CENPU: variants seen among roughly 807,000 people sequenced by gnomAD.
CENPU encodes KSHV latent nuclear antigen interacting protein 1.
Under a neutral mutation model 56.7 loss-of-function variants are expected in CENPU, and 46 were observed. That is an observed-to-expected ratio of 0.81 (90% confidence interval 0.64 to 1.04). The LOEUF is 1.04. Ranked by LOEUF, CENPU falls within the 50% of genes least tolerant of loss-of-function variation. The pLI is 0.00. For missense variants in CENPU, 510 were observed against 490.1 expected (o/e 1.04, Z -0.38); for synonymous variants, 166 against 163.0 (o/e 1.02, Z -0.14).
At chr4:184,720,958 T>C (rs1277953794) in intron 4 of CENPU, among the ~76,000 whole-genome samples, 2 of 152,152 alleles carry the variant, frequency 1.3e-5, no homozygotes, top group Admixed American at 6.6e-5. Context: ...TCACTGGTAA[T>C]ATGAAGTACA....
At chr4:184,717,046 A>T in intron 5 of CENPU, 90 bp downstream of exon 5, 1 of 811,082 alleles carries the variant, frequency 1.2e-6, no homozygotes, top group Non-Finnish European at 2.0e-6. Context: ...TCTAAAGAGG[A>T]AATGAAATAT....
chr4:184,725,059 G>T lies in CENPU; in HGVS notation c.218C>A (p.Pro73His), dbSNP rs745365696. ...KDEETYETFDPPLHSTAIYAD... is the reference protein window; with the variant it reads ...KDEETYETFDHPLHSTAIYAD... ...ATATATAGCTGTGCTATGTAAAGGAGGATCTTTCAAAAGACAAAAAAGAAG... is the reference window on the plus strand; with the variant it reads ...ATATATAGCTGTGCTATGTAAAGGATGATCTTTCAAAAGACAAAAAAGAAG... The change falls in exon 4 of 13, where the codon CCT becomes CAT. Residue 73 changes from proline (P) to histidine (H), a missense_variant. By Grantham distance (77) the Pro-to-His change is moderately conservative (BLOSUM62 -2). Transcript: ENST00000281453. 3.1e-6 allele frequency: 5 copies of T among 1,596,238 alleles called. No individual in the cohort carries two copies. Among genetic ancestry groups the T allele is most frequent in the Non-Finnish European group, 4.3e-6 (5 of 1,171,178 alleles).
intron 4 of CENPU, 71 bp downstream of exon 4, chr4:184,724,886 C>T: frequency 1.0e-6 from 1 of 989,714 alleles, no homozygotes; most frequent in Non-Finnish European, 1.5e-6. Context: ...GTTTTATTAG[C>T]TTCTATCTTA....
chr4:184,728,720 G>A (rs1287627383), intron 3 of CENPU, among the ~76,000 whole-genome samples, 198 bp downstream of exon 3: 2 of 152,102 alleles, frequency 1.3e-5, no homozygotes, highest in African/African-American at 2.4e-5. Flanking sequence ...GACGAGTGCC[G>A]CTTTGATAAT....
chr4:184,695,529 A>C, intron 12 of CENPU, 128 bp from the exon 13 acceptor site: 2 of 598,736 alleles, frequency 3.3e-6, no homozygotes, highest in South Asian at 1.8e-5. Context: ...CTCATTTTTA[A>C]CTAGGACCAT....
At chr4:184,716,878 T>A (rs537198964) in intron 5 of CENPU, among the ~76,000 whole-genome samples, 2 of 152,306 alleles carry the variant, frequency 1.3e-5, no homozygotes, top group South Asian at 2.1e-4. Context: ...AGTACAAGAA[T>A]GCTATGAAAA....
chr4:184,699,039 C>A (rs1019502223), intron 11 of CENPU, among the ~76,000 whole-genome samples: 2 of 152,066 alleles, frequency 1.3e-5, no homozygotes, highest in Non-Finnish European at 2.9e-5. Flanking sequence ...CTTTAAAACA[C>A]GTCTCAGGCT....
rs201838633 is a variant in CENPU, at chr4:184,733,952, G to A, written c.47+64C>T. On this transcript the variant is annotated intron_variant, in intron 1 of 12. Transcript: ENST00000281453. ...ACAGCGCCGGGAGGCGCAAACCACG[G>A]CAGGCGAGGAAGCAGTTCAAGCTGG... 111 of 1,603,604 alleles carry A rather than the reference G, an allele frequency of 6.9e-5. No individual in the cohort carries two copies. The African/African-American group carries it at 1.2e-3, about 17-fold the overall frequency.
At chr4:184,721,207 G>A (rs1761262801) in intron 4 of CENPU, among the ~76,000 whole-genome samples, 1 of 151,860 alleles carries the variant, frequency 6.6e-6, no homozygotes, top group African/African-American at 2.4e-5. Context: ...TGGGTTATAT[G>A]GCAGTACCTG....
intron 6 of CENPU, among the ~76,000 whole-genome samples, chr4:184,714,181 A>G (rs140522474): frequency 0.01 from 1,586 of 152,284 alleles, 10 homozygotes; most frequent in Non-Finnish European, 0.017. Flanking sequence ...TCCTTCAAAA[A>G]CAGAGTTGAA....
At chr4:184,724,902 T>C in intron 4 of CENPU, 55 bp downstream of exon 4, 1 of 1,157,722 alleles carries the variant, frequency 8.6e-7, no homozygotes, top group Non-Finnish European at 1.3e-6. Context: ...TCTTAAAGAG[T>C]TTCTCAGAAA....
At chr4:184,727,880 A>C (rs891608752) in intron 3 of CENPU, among the ~76,000 whole-genome samples, 9 of 152,226 alleles carry the variant, frequency 5.9e-5, no homozygotes, top group African/African-American at 2.2e-4. Flanking sequence ...TAAGTAAAAG[A>C]AGCCAGTCAC....
In CENPU at chr4:184,718,989, T is replaced by C. The variant is rs1269877611; in HGVS notation, c.321-1793A>G. Among the ~76,000 whole-genome samples, 5 of 152,038 alleles carry C rather than the reference T, an allele frequency of 3.3e-5. No homozygotes were observed. The East Asian group carries it at 9.7e-4, about 29-fold the overall frequency. Reference sequence around the variant, plus strand: ...GGTGGCACACAGGTAGTTAAAACCATGAGCGTGAACTGGGGTTGGATGGAG... The same window carrying C: ...GGTGGCACACAGGTAGTTAAAACCACGAGCGTGAACTGGGGTTGGATGGAG... On this transcript the variant is annotated intron_variant, in intron 4 of 12. Coordinates refer to ENST00000281453, the MANE Select transcript of CENPU (RefSeq NM_024629.4).
At chr4:184,704,237 G>A (rs567522342) in intron 8 of CENPU, among the ~76,000 whole-genome samples, 22 of 152,022 alleles carry the variant, frequency 1.4e-4, no homozygotes, top group African/African-American at 3.6e-4. Flanking sequence ...ATGCCACCAC[G>A]CCTAATTTTT....
chr4:184,713,559 G>A (rs930218251), intron 6 of CENPU, among the ~76,000 whole-genome samples: 1 of 152,146 alleles, frequency 6.6e-6, no homozygotes, highest in Non-Finnish European at 1.5e-5. Context: ...TGATGGAAAA[G>A]CTGAACTTTT....
chr4:184,731,468 T>G (rs1046507533), intron 1 of CENPU, among the ~76,000 whole-genome samples: 21 of 150,008 alleles, frequency 1.4e-4, no homozygotes, highest in South Asian at 6.2e-4. Context: ...CCCTTGACAC[T>G]CTCTCAGTTG....
At chr4:184,711,512 C>A (rs1760924414) in intron 7 of CENPU, among the ~76,000 whole-genome samples, 1 of 152,064 alleles carries the variant, frequency 6.6e-6, no homozygotes, top group African/African-American at 2.4e-5. Flanking sequence ...TGAACTTATA[C>A]CTCCTATCTA....
At chr4:184,728,699 G>A (rs542074322) in intron 3 of CENPU, among the ~76,000 whole-genome samples, 2 of 152,238 alleles carry the variant, frequency 1.3e-5, no homozygotes, top group African/African-American at 2.4e-5. Context: ...GATTGTTAAT[G>A]AATACTACTA....
At chr4:184,708,874 T>C (rs1760821869) in intron 8 of CENPU, among the ~76,000 whole-genome samples, 1 of 152,164 alleles carries the variant, frequency 6.6e-6, no homozygotes, top group Admixed American at 6.5e-5. Flanking sequence ...CCTAAGTGAA[T>C]TTTGTTGTTG....
Sources: allele counts gnomAD v4.1 joint callset (sites outside exome capture counted in the v4.1 genomes callset), GRCh38; gene constraint gnomAD v4.1.1; transcripts MANE v1.5; gene names NCBI Gene and HGNC (gene_info 2026-07-23, HGNC 2026-07-21).